DNAAF9: variants seen among roughly 807,000 people sequenced by gnomAD.
The protein encoded by DNAAF9 is shulin.
DNAAF9 carries 90 observed loss-of-function variants against 167.0 expected under a neutral mutation model. That is an observed-to-expected ratio of 0.54 (90% CI 0.45 to 0.64). The LOEUF (loss-of-function observed/expected upper bound fraction) is 0.64, where lower values mean the gene tolerates loss of function less well. Among genes scored for constraint, DNAAF9 ranks in the 30% least tolerant of loss-of-function variants. DNAAF9 has a pLI of 0.00. For synonymous variants in DNAAF9, 491 were observed against 508.8 expected, an observed-to-expected ratio of 0.96 and a Z score of 0.47; for missense variants, 1,315 against 1,442.2, an observed-to-expected ratio of 0.91 and a Z score of 1.43.
intron 21 of DNAAF9, among the ~76,000 whole-genome samples, chr20:3,302,806 G>A (rs2122978268): frequency 6.6e-6 from 1 of 152,148 alleles, no homozygotes; most frequent in Middle Eastern, 3.4e-3. Context: ...ATGAAAAAGG[G>A]CATGAGAAAA....
At chr20:3,357,147 A>T (rs559372574) in intron 7 of DNAAF9, among the ~76,000 whole-genome samples, 1 of 152,272 alleles carries the variant, frequency 6.6e-6, no homozygotes, top group East Asian at 1.9e-4. Context: ...TGTTTTTCAA[A>T]TACTCTGATA....
intron 29 of DNAAF9, among the ~76,000 whole-genome samples, chr20:3,272,196 G>A (rs1235781530): frequency 6.6e-6 from 1 of 152,106 alleles, no homozygotes; most frequent in African/African-American, 2.4e-5. Flanking sequence ...TCCAGTCTGT[G>A]TTCAAATTTC....
At chr20:3,264,606 T>G in intron 30 of DNAAF9, 82 bp from the exon 31 acceptor site, 1 of 772,392 alleles carries the variant, frequency 1.3e-6, no homozygotes, top group Non-Finnish European at 2.3e-6. Flanking sequence ...AGTCTCGCTC[T>G]GTCGCCAGGC....
At chr20:3,280,263 T>C (rs1327970935) in intron 28 of DNAAF9, among the ~76,000 whole-genome samples, 1 of 152,034 alleles carries the variant, frequency 6.6e-6, no homozygotes, top group Non-Finnish European at 1.5e-5. Context: ...AAGCATTCTT[T>C]TACTTACTTT....
intron 26 of DNAAF9, among the ~76,000 whole-genome samples, chr20:3,288,241 G>T (rs2068885888): frequency 6.6e-6 from 1 of 152,328 alleles, no homozygotes; most frequent in African/African-American, 2.4e-5. Flanking sequence ...CCTGAAGTCG[G>T]GAGGTTCAAG....
chr20:3,264,489 C>T lies in DNAAF9; in HGVS notation c.2822G>A (p.Ser941Asn). Reference sequence around the variant, plus strand: ...TCGTAGCATCTCAGGACTTGAAAAACTGTTTTCTGAGAGAATCAGCTCAAT... The same window carrying T: ...TCGTAGCATCTCAGGACTTGAAAAATTGTTTTCTGAGAGAATCAGCTCAAT... ...EDIELILSEN[S>N]FSSPEMLRSR... The change falls in exon 31 of 37, where the codon AGT (serine) becomes AAT (asparagine). Residue 941 changes from serine to asparagine, a missense_variant. This residue lies in a region of DNAAF9 where 334 missense variants were observed against 429.7 expected (regional missense o/e 0.78). Transcript: ENST00000252032. 1 of 1,572,016 alleles carries T rather than the reference C, an allele frequency of 6.4e-7. No homozygotes were observed. Among genetic ancestry groups the T allele is most frequent in the Non-Finnish European group, 8.8e-7 (1 of 1,141,716 alleles).
chr20:3,387,620 A>T (rs2083762917), intron 1 of DNAAF9, among the ~76,000 whole-genome samples: 1 of 152,166 alleles, frequency 6.6e-6, no homozygotes, highest in Non-Finnish European at 1.5e-5. Context: ...CCCAGACAAC[A>T]AATAAAAAAA....
chr20:3,395,134 A>AT lies in DNAAF9; in HGVS notation c.83+12340dup, dbSNP rs1225299647. Among the ~76,000 whole-genome samples the AT allele has an allele frequency of 1.9e-4, 27 of 143,188 alleles. 1 individual carries two copies. Among genetic ancestry groups the AT allele is most frequent in the South Asian group, 4.5e-4 (2 of 4,492 alleles). The allele number at this position is 143,188 out of a possible 152,430, so 93.9% of individuals were successfully genotyped here. A position where few individuals can be genotyped will look rare whatever the true frequency, so the allele number is the denominator to read the frequency against. ...AGGCGTGCGCCACCATGCCCGGCTA[A>AT]TTTTTTTTTTGTATTTTTAGTAGAG... On this transcript the variant is annotated intron_variant, in intron 1 of 36. Transcript: ENST00000252032.
rs1568603922 is a variant in DNAAF9 at position 3,322,664 on chromosome 20, T to C, written c.1298A>G (p.Asn433Ser). The C allele has an allele frequency of 6.2e-7, 1 of 1,612,980 alleles. No homozygotes were observed. The highest frequency in any genetic ancestry group is 8.5e-7 in the Non-Finnish European group (1 of 1,178,932). Residue 433 changes from asparagine (N) to serine (S), a missense_variant, in exon 15 of 37, where the codon AAT (asparagine) becomes AGT (serine). Physicochemically the swap from Asn to Ser is conservative, Grantham distance 46 (BLOSUM62 1). Transcript: ENST00000252032. ...SKMTFHIHAV[N>S]NQGRIVPLDS... The stretch of plus-strand genomic sequence containing the variant: ...ATCATATACGCACCTTCCCTGATTA[T>C]TCACAGCATGTATATGAAAAGTCAT...
intron 14 of DNAAF9, 69 bp downstream of exon 14, chr20:3,324,823 T>C: frequency 1.3e-6 from 1 of 795,892 alleles, no homozygotes; most frequent in East Asian, 2.4e-5. Context: ...ATCTAAATTA[T>C]AAGGGAAAAA....
Position 3,340,654 on chromosome 20 carries a change from C to A in DNAAF9, c.846-15G>T. On this transcript the variant is annotated splice_polypyrimidine_tract_variant and intron_variant, in intron 9 of 36. Transcript: ENST00000252032. Reference sequence around the variant, plus strand: ...GCCGGTTAGGGCTAGAGAGGGAAGTCAAAAACATGTGATTAGAAAAGAGTT... The same window carrying A: ...GCCGGTTAGGGCTAGAGAGGGAAGTAAAAAACATGTGATTAGAAAAGAGTT... 2 of 1,613,364 alleles carry A rather than the reference C, an allele frequency of 1.2e-6. No homozygotes were observed. Among genetic ancestry groups the A allele is most frequent in the South Asian group, 2.2e-5 (2 of 90,998 alleles).
At chr20:3,268,897 CTTTTT>C (rs386393120) in intron 30 of DNAAF9, among the ~76,000 whole-genome samples, 2,593 of 85,788 alleles carry the variant, frequency 0.03, 47 homozygotes, top group African/African-American at 0.045. Flanking sequence ...CTCTATGTTA[CTTTTT>C]TTTTTTTTTT....
chr20:3,362,117 CTATTT>C (rs1183153263), intron 6 of DNAAF9: 1 of 1,386,678 alleles, frequency 7.2e-7, no homozygotes, highest in Non-Finnish European at 1.0e-6. Context: ...GGTCCATATT[CTATTT>C]TAAGGCTGTA....
At chr20:3,253,904 T>C in intron 35 of DNAAF9, 85 bp from the exon 36 acceptor site, 1 of 797,394 alleles carries the variant, frequency 1.3e-6, no homozygotes, top group Non-Finnish European at 2.2e-6. Flanking sequence ...TCTATTTCCC[T>C]AGCAAGATAG....
At chr20:3,337,880 T>C (rs928623680) in intron 10 of DNAAF9, among the ~76,000 whole-genome samples, 7 of 151,450 alleles carry the variant, frequency 4.6e-5, no homozygotes, top group Non-Finnish European at 7.4e-5. Context: ...AGATTAGCAA[T>C]AAGAAAAATA....
intron 1 of DNAAF9, among the ~76,000 whole-genome samples, chr20:3,387,450 T>G (rs1177850591): frequency 1.3e-5 from 2 of 152,120 alleles, no homozygotes; most frequent in Non-Finnish European, 2.9e-5. Flanking sequence ...ATCTAAAGAA[T>G]GAAGTTGGAC....
intron 23 of DNAAF9, chr20:3,296,149 A>G (rs1600727183): frequency 1.6e-6 from 1 of 613,974 alleles, no homozygotes; most frequent in East Asian, 3.7e-5. Context: ...CAAGTTCTGC[A>G]ACCTCTGTAG....
chr20:3,303,644 C>G (rs1031665755), intron 21 of DNAAF9, among the ~76,000 whole-genome samples: 8 of 152,324 alleles, frequency 5.3e-5, no homozygotes, highest in African/African-American at 1.9e-4. Flanking sequence ...AAAACTTGCT[C>G]ACAGAATTCG....
chr20:3,252,643 G>A lies in DNAAF9; in HGVS notation c.3463C>T (p.Arg1155Trp), dbSNP rs377127941. ...TCCTGGTTATACTTCTCAATTTCCC[G>A]GTTGGCTTCTTCCACGTAGTCATTC... ...FMNDYVEEAN[R>W]EIEKYNQELE... Residue 1155 changes from arginine to tryptophan, a missense_variant, in exon 37 of 37, where the codon CGG (arginine) becomes TGG (tryptophan). Coordinates refer to ENST00000252032, the MANE Select transcript of DNAAF9 (RefSeq NM_001009984.3). 18 of 1,612,484 alleles carry A rather than the reference G, an allele frequency of 1.1e-5. No individual in the cohort carries two copies. Among genetic ancestry groups the A allele is most frequent in the East Asian group, 4.5e-5 (2 of 44,882 alleles).
Sources: gnomAD v4.1 joint callset for allele counts (sites outside exome capture counted in the v4.1 genomes callset) on GRCh38, gnomAD v4.1.1 for gene constraint, gnomAD v4.1.1 regional missense constraint, MANE v1.5 for transcripts, NCBI Gene and HGNC (gene_info 2026-07-23, HGNC 2026-07-21) for gene names.